Variants in GANC observed in about 807,000 individuals in gnomAD.
GANC encodes the protein glucosidase alpha, neutral C.
In GANC, 117 loss-of-function variants were observed where a neutral mutation model predicts 124.2. The observed-to-expected ratio is 0.94, with a 90% CI of 0.81 to 1.10. GANC has a LOEUF of 1.10. GANC is among the 50% of genes least tolerant of loss of function. The pLI is 0.00. For missense variants in GANC, 1,140 were observed against 1,095.0 expected (o/e 1.04, Z -0.58); for synonymous variants, 377 against 376.8 (o/e 1.00, Z -0.01).
chr15:42,281,359 C>T (rs369269602), intron 3 of GANC, among the ~76,000 whole-genome samples: 1 of 152,312 alleles, frequency 6.6e-6, no homozygotes, highest in South Asian at 2.1e-4. Flanking sequence ...ATGTTGCCTG[C>T]ATCTTATATG....
At chr15:42,351,492 T>C (rs2052437557) in intron 23 of GANC, 60 bp downstream of exon 23, 4 of 1,199,038 alleles carry the variant, frequency 3.3e-6, no homozygotes, top group South Asian at 1.2e-5. Context: ...GTATCTGCAG[T>C]GAGATGATTA....
chr15:42,338,352 A>T, intron 15 of GANC, 37 bp from the exon 16 acceptor site: 1 of 1,456,890 alleles, frequency 6.9e-7, no homozygotes, highest in African/African-American at 1.4e-5. Flanking sequence ...GCATGGGTTG[A>T]TTTGTGATTT....
chr15:42,334,535 G>GA (rs546928091), intron 15 of GANC, among the ~76,000 whole-genome samples: 86 of 151,808 alleles, frequency 5.7e-4, no homozygotes, highest in Non-Finnish European at 1.1e-3. Flanking sequence ...AATCATAAAA[G>GA]AAAAAAATGA....
intron 10 of GANC, among the ~76,000 whole-genome samples, chr15:42,317,935 GGGTTT>G: frequency 6.6e-6 from 1 of 152,318 alleles, no homozygotes; most frequent in African/African-American, 2.4e-5. Flanking sequence ...CTCCTGCTGA[GGGTTT>G]AGCTCAATCA....
rs913848288 is a variant in GANC at position 42,274,304 on chromosome 15, C to T, written c.-178C>T. The T allele has an allele frequency of 1.5e-6, 1 of 661,748 alleles. No homozygotes were observed. The highest frequency in any genetic ancestry group is 2.6e-6 in the Non-Finnish European group (1 of 383,540). 41.0% of individuals were successfully genotyped at this position (661,748 alleles called of 1,614,324 possible). On this transcript the variant is annotated 5_prime_UTR_variant, in exon 1 of 24. Coordinates refer to ENST00000318010, the MANE Select transcript of GANC (RefSeq NM_198141.3). The stretch of plus-strand genomic sequence containing the variant: ...AACGCTAGTTTGGGCCTGAAAAATT[C>T]CAGGAGCAAGAGTCAAGATTTGTCA...
chr15:42,288,616 A>G (rs2051813835), intron 4 of GANC, among the ~76,000 whole-genome samples: 1 of 152,234 alleles, frequency 6.6e-6, no homozygotes, highest in South Asian at 2.1e-4. Context: ...TAGAATCATC[A>G]AAAGTTTAAA....
intron 15 of GANC, among the ~76,000 whole-genome samples, chr15:42,336,589 T>A (rs545888170): frequency 5.3e-5 from 8 of 152,148 alleles, no homozygotes; most frequent in Non-Finnish European, 1.0e-4. Context: ...GATTTCATGA[T>A]GAGGATACCA....
intron 5 of GANC, among the ~76,000 whole-genome samples, chr15:42,294,003 A>ACT (rs1485530444): frequency 1.6e-4 from 25 of 151,694 alleles, no homozygotes; most frequent in African/African-American, 5.9e-4. Flanking sequence ...GTGAGCTGCG[A>ACT]CTGTGGCACT....
At position 42,273,540 on chromosome 15, in the gene GANC, C is replaced by G. The variant is rs958300404; in HGVS notation, c.-942C>G. 3 of 1,388,266 alleles carry G rather than the reference C, an allele frequency of 2.2e-6. No individual in the cohort carries two copies. The highest frequency in any genetic ancestry group is 1.9e-6 in the Non-Finnish European group (2 of 1,042,558). 86.0% of individuals were successfully genotyped at this position (1,388,266 alleles called of 1,614,324 possible). ...TGTTTGCTGTGCGGCGTAGCGGCCCCTCTCTCAGACAGTCGTCTGTGCGCC... is the reference window on the plus strand; with the variant it reads ...TGTTTGCTGTGCGGCGTAGCGGCCCGTCTCTCAGACAGTCGTCTGTGCGCC... On this transcript the variant is annotated 5_prime_UTR_variant, in exon 1 of 24. Coordinates refer to ENST00000318010, the MANE Select transcript of GANC (RefSeq NM_198141.3).
chr15:42,348,922 G>C (rs937911978), intron 21 of GANC, among the ~76,000 whole-genome samples: 1 of 152,064 alleles, frequency 6.6e-6, no homozygotes, highest in African/African-American at 2.4e-5. Context: ...AAATACAAAA[G>C]ACTAGCGATC....
Position 42,339,717 on chromosome 15 carries a change from G to A in GANC, c.1892G>A (p.Arg631His), listed in dbSNP as rs200940239. The change falls in exon 17 of 24, where the codon CGT (arginine) becomes CAT (histidine). Residue 631 changes from arginine to histidine, a missense_variant. By Grantham distance (29) the Arg-to-His change is conservative. Coordinates refer to ENST00000318010, the MANE Select transcript of GANC (RefSeq NM_198141.3). ...IGNPETELLVRWYQAGAYQPF... is the reference protein window; with the variant it reads ...IGNPETELLVHWYQAGAYQPF... ...AATCCAGAGACAGAGCTGCTAGTGC[G>A]TTGGTACCAGGCTGGAGCCTACCAG... is the stretch of plus-strand genomic sequence containing the variant. 277 of 1,614,002 alleles carry A rather than the reference G, an allele frequency of 1.7e-4. 1 individual carries two copies. Among genetic ancestry groups the A allele is most frequent in the Non-Finnish European group, 2.2e-4 (255 of 1,180,028 alleles).
intron 13 of GANC, 153 bp downstream of exon 13, chr15:42,327,595 T>G (rs779482627): frequency 4.9e-6 from 3 of 616,872 alleles, no homozygotes; most frequent in East Asian, 5.6e-5. Flanking sequence ...TTACAGACTC[T>G]GGGGGTGCTG....
intron 2 of GANC, 65 bp downstream of exon 2, chr15:42,276,475 AT>A: frequency 1.3e-6 from 1 of 791,386 alleles, no homozygotes; most frequent in Non-Finnish European, 2.1e-6. Flanking sequence ...ATTGATGCTT[AT>A]TAAATTTTTG....
At chr15:42,291,823 C>T (rs1423872767) in intron 4 of GANC, among the ~76,000 whole-genome samples, 1 of 152,014 alleles carries the variant, frequency 6.6e-6, no homozygotes, top group Non-Finnish European at 1.5e-5. Context: ...AACTACAGTC[C>T]TACTTAATGG....
intron 11 of GANC, among the ~76,000 whole-genome samples, chr15:42,322,325 C>T (rs1476418179): frequency 6.6e-6 from 1 of 152,156 alleles, no homozygotes; most frequent in Non-Finnish European, 1.5e-5. Flanking sequence ...GTTTCCATGT[C>T]TCAATTGGTG....
At chr15:42,278,955 A>C (rs968498649) in intron 3 of GANC, among the ~76,000 whole-genome samples, 1 of 152,200 alleles carries the variant, frequency 6.6e-6, no homozygotes, top group South Asian at 2.1e-4. Flanking sequence ...TGATAGTGCC[A>C]CTGCACTTCA....
intron 5 of GANC, among the ~76,000 whole-genome samples, chr15:42,293,485 T>C (rs921324278): frequency 1.3e-4 from 20 of 152,336 alleles, no homozygotes; most frequent in African/African-American, 4.8e-4. Context: ...CATTCAACAT[T>C]CATTATTCCA....
chr15:42,285,044 T>G (rs2051774366), intron 3 of GANC, among the ~76,000 whole-genome samples: 1 of 152,202 alleles, frequency 6.6e-6, no homozygotes, highest in Non-Finnish European at 1.5e-5. Context: ...GAGGAAGAGA[T>G]TTGATAGTTT....
intron 3 of GANC, among the ~76,000 whole-genome samples, chr15:42,280,349 A>G (rs2051719494): frequency 6.6e-6 from 1 of 152,072 alleles, no homozygotes; most frequent in African/African-American, 2.4e-5. Context: ...ATTCTTATTT[A>G]TATATGTTTT....
Sources: gnomAD v4.1 joint callset for allele counts (sites outside exome capture counted in the v4.1 genomes callset) on GRCh38, gnomAD v4.1.1 for gene constraint, MANE v1.5 for transcripts, NCBI Gene and HGNC (gene_info 2026-07-23, HGNC 2026-07-21) for gene names.